Variants in PIK3R5 observed in about 807,000 individuals in gnomAD.
PIK3R5 encodes the protein phosphoinositide-3-kinase regulatory subunit 5.
A neutral mutation model predicts 94.9 loss-of-function variants in PIK3R5; 32 were observed. That is an observed-to-expected ratio of 0.34 (90% CI 0.25 to 0.45). The LOEUF (loss-of-function observed/expected upper bound fraction) is 0.45, where lower values mean the gene tolerates loss of function less well. Among genes scored for constraint, PIK3R5 ranks in the 20% least tolerant of loss-of-function variants. PIK3R5 has a pLI of 1.00. For synonymous variants in PIK3R5, 443 were observed against 479.4 expected (o/e 0.92, Z 0.99); for missense variants, 853 against 1,144.6 (o/e 0.75, Z 3.68).
chr17:8,965,345 C>G lies in PIK3R5; in HGVS notation c.-14+251G>C, dbSNP rs76318688. Among the ~76,000 whole-genome samples the G allele has an allele frequency of 5.3e-3, 800 of 152,342 alleles. 8 individuals carry two copies. The highest frequency in any genetic ancestry group is 0.018 in the African/African-American group (757 of 41,586). ...GCAGAGCCGCCCAGCAGAGGTTACC[C>G]GGATAACGATAAGTGGTCCCCGCGA... On this transcript the variant is annotated intron_variant, in intron 1 of 18. Coordinates refer to ENST00000447110, the MANE Select transcript of PIK3R5 (RefSeq NM_001142633.3).
In PIK3R5 at chr17:8,904,681, C is replaced by A; in HGVS notation, c.412+96G>T. ...GTTGGCAGAGATGAATCAAAGGATGCAAGGTAAGGAGGGTCACAAAAAACA... is the reference window on the plus strand; with the variant it reads ...GTTGGCAGAGATGAATCAAAGGATGAAAGGTAAGGAGGGTCACAAAAAACA... On this transcript the variant is annotated intron_variant, in intron 5 of 18. Coordinates refer to ENST00000447110, the MANE Select transcript of PIK3R5 (RefSeq NM_001142633.3). This position sits in a 1 kb window ranked among gnomAD's most constrained non-coding sequence, Gnocchi z 5.1. 1 of 1,233,704 alleles carries A rather than the reference C, an allele frequency of 8.1e-7. No individual in the cohort carries two copies. The highest frequency in any genetic ancestry group is 2.3e-5 in the East Asian group (1 of 42,624). The allele number at this position is 1,233,704 out of a possible 1,614,324, so 76.4% of individuals were successfully genotyped here.
chr17:8,882,734 C>T lies in PIK3R5; in HGVS notation c.2206-853G>A, dbSNP rs114973320. Among the ~76,000 whole-genome samples, 31 of 152,292 alleles carry T rather than the reference C, an allele frequency of 2.0e-4. No homozygotes were observed. The highest frequency in any genetic ancestry group is 7.0e-4 in the African/African-American group (29 of 41,556). On this transcript the variant is annotated intron_variant, in intron 15 of 18. Coordinates refer to ENST00000447110, the MANE Select transcript of PIK3R5 (RefSeq NM_001142633.3). This position sits in a 1 kb window ranked among gnomAD's most constrained non-coding sequence, Gnocchi z 4.1. ...TGTGGTCCCCCCAGAGAAGATGGTG[C>T]TGCCAGTCACAGAGGAGTGACTCCA...
chr17:8,881,153 G>C lies in PIK3R5; in HGVS notation c.2383-136C>G. ...AGGGGTTTGTCTGACTGCGCTCCAG[G>C]GTTAATGGCCAGGTCACAGGAGGGA... is the stretch of plus-strand genomic sequence containing the variant. On this transcript the variant is annotated intron_variant, in intron 17 of 18. Transcript: ENST00000447110. This position sits in a 1 kb window ranked among gnomAD's most constrained non-coding sequence, Gnocchi z 4.8. 3 of 692,382 alleles carry C rather than the reference G, an allele frequency of 4.3e-6. No individual in the cohort carries two copies. The highest frequency in any genetic ancestry group is 7.8e-6 in the Non-Finnish European group (3 of 385,778). 42.9% of individuals were successfully genotyped at this position (692,382 alleles called of 1,614,324 possible).
rs2089641359 is a variant in PIK3R5 at position 8,880,968 on chromosome 17, T to C, written c.2432A>G (p.Asn811Ser). The change falls in exon 18 of 19, where the codon AAC becomes AGC. Residue 811 changes from asparagine (N) to serine (S), a missense_variant. Coordinates refer to ENST00000447110, the MANE Select transcript of PIK3R5 (RefSeq NM_001142633.3). Reference sequence around the variant, plus strand: ...CAGGCACACAGCAAAGGGGCAGCTGTTGGAGCCGATGATCTGCACCTTGTC... The same window carrying C: ...CAGGCACACAGCAAAGGGGCAGCTGCTGGAGCCGATGATCTGCACCTTGTC... Reference protein sequence around the residue: ...KVDKVQIIGSNSCPFAVCLDQ... With the variant: ...KVDKVQIIGSSSCPFAVCLDQ... 6.2e-7 allele frequency: 1 copy of C among 1,614,142 alleles called. No individual in the cohort carries two copies. Among genetic ancestry groups the C allele is most frequent in the Non-Finnish European group, 8.5e-7 (1 of 1,179,998 alleles).
chr17:8,904,850 C>T lies in PIK3R5; in HGVS notation c.339G>A (p.Leu113=). The change falls in exon 5 of 19, where the codon CTG becomes CTA. Residue 113 remains leucine (L), a synonymous_variant. Transcript: ENST00000447110. This position sits in a 1 kb window ranked among gnomAD's most constrained non-coding sequence, Gnocchi z 5.1. The stretch of plus-strand genomic sequence containing the variant: ...TGCTGCAGTAAGGAACAGGCCAGGT[C>T]AGGAACCGGTGGTAGGTGCTGGCTG... ...LKAASTYHRF[L]TWPVPYCSIC... 1 of 1,614,114 alleles carries T rather than the reference C, an allele frequency of 6.2e-7. No individual in the cohort carries two copies. Among genetic ancestry groups the T allele is most frequent in the Non-Finnish European group, 8.5e-7 (1 of 1,180,030 alleles).
Position 8,887,134 on chromosome 17 carries a change from G to T in PIK3R5, c.1867C>A (p.Leu623Met). The change falls in exon 12 of 19, where the codon CTG (leucine) becomes ATG (methionine). Residue 623 changes from leucine (L) to methionine (M), a missense_variant. Physicochemically the swap from Leu to Met is conservative, Grantham distance 15 (BLOSUM62 2). This residue lies in a region of PIK3R5 where 173 missense variants were observed against 274.1 expected (regional missense o/e 0.63). Coordinates refer to ENST00000447110, the MANE Select transcript of PIK3R5 (RefSeq NM_001142633.3). ...MLDPWYERNV[L>M]GLMHLPPEVL... ...TCAGGGGGCAGGTGCATGAGGCCCAGTACATTGCGCTCATACCAGGGGTCC... is the reference window on the plus strand; with the variant it reads ...TCAGGGGGCAGGTGCATGAGGCCCATTACATTGCGCTCATACCAGGGGTCC... 1 of 1,614,100 alleles carries T rather than the reference G, an allele frequency of 6.2e-7. No homozygotes were observed. Among genetic ancestry groups the T allele is most frequent in the African/African-American group, 1.3e-5 (1 of 75,050 alleles).
intron 1 of PIK3R5, among the ~76,000 whole-genome samples, chr17:8,961,540 CAGG>C (rs2091563989): frequency 6.6e-6 from 1 of 152,160 alleles, no homozygotes; most frequent in Non-Finnish European, 1.5e-5. Flanking sequence ...GAGGCTGAGA[CAGG>C]AGAATTGCTT....
chr17:8,939,017 G>A (rs923334860), intron 1 of PIK3R5, among the ~76,000 whole-genome samples: 5 of 152,140 alleles, frequency 3.3e-5, no homozygotes, highest in African/African-American at 7.2e-5. Context: ...ACATAAGCTG[G>A]TGCCACCGCC....
intron 1 of PIK3R5, among the ~76,000 whole-genome samples, chr17:8,937,898 C>T (rs1288965921): frequency 6.6e-6 from 1 of 152,192 alleles, no homozygotes; most frequent in Non-Finnish European, 1.5e-5. Context: ...CAACCTCCAC[C>T]TCTTGGGTTC....
At position 8,886,230 on chromosome 17, in the gene PIK3R5, T is replaced by A; in HGVS notation, c.2127A>T (p.Ser709=). ...TGTCTCTGCTCAGGCAGTACCCACC[T>A]GACGCCTTGATGGCACGTGTGGCAG... The part of the protein sequence containing the change: ...HSAATRAIKA[S]GPGSKRLGID... Residue 709 remains serine, a splice_region_variant and synonymous_variant, in exon 14 of 19, where the codon TCA becomes TCT. Coordinates refer to ENST00000447110, the MANE Select transcript of PIK3R5 (RefSeq NM_001142633.3). The A allele has an allele frequency of 1.2e-6, 2 of 1,610,816 alleles. No individual in the cohort carries two copies. The highest frequency in any genetic ancestry group is 1.7e-6 in the Non-Finnish European group (2 of 1,178,248).
chr17:8,903,253 CATATA>C lies in PIK3R5; in HGVS notation c.412+1519_412+1523del, dbSNP rs146803749. Among the ~76,000 whole-genome samples, 817 of 152,000 alleles carry C rather than the reference CATATA, an allele frequency of 5.4e-3. 7 individuals are homozygous for C. The highest frequency in any genetic ancestry group is 0.019 in the African/African-American group (780 of 41,512). On this transcript the variant is annotated intron_variant, in intron 5 of 18. Transcript: ENST00000447110. ...CAGTAATTTGAGGATGCCACTTTGT[CATATA>C]ATATAATTTTGTATATTTAATATAT...
intron 1 of PIK3R5, chr17:8,916,548 G>C: frequency 8.0e-6 from 1 of 125,276 alleles, no homozygotes; most frequent in South Asian, 2.7e-4. Context: ...TCCAACAACA[G>C]GGCCTTCCCC....
At chr17:8,951,263 A>G (rs1261623962) in intron 1 of PIK3R5, among the ~76,000 whole-genome samples, 1 of 152,178 alleles carries the variant, frequency 6.6e-6, no homozygotes, top group Non-Finnish European at 1.5e-5. Context: ...GTGTGTGTAC[A>G]GTTTTGTGCG....
Position 8,886,501 on chromosome 17 carries a change from C to T in PIK3R5, c.2010G>A (p.Val670=). ...LYYCRFAARP[V]LLQVYQTELT... ...CCTCGGTCTGATAGACTTGCAGCAG[C>T]ACCGGTCTGGCGGCAAAGCGGCAGT... Residue 670 remains valine, a synonymous_variant, in exon 13 of 19, where the codon GTG becomes GTA. Coordinates refer to ENST00000447110, the MANE Select transcript of PIK3R5 (RefSeq NM_001142633.3). 2.5e-6 allele frequency: 4 copies of T among 1,609,026 alleles called. No homozygotes were observed. The highest frequency in any genetic ancestry group is 3.4e-6 in the Non-Finnish European group (4 of 1,177,408).
intron 1 of PIK3R5, among the ~76,000 whole-genome samples, chr17:8,944,039 T>A (rs2091232726): frequency 6.6e-6 from 1 of 152,192 alleles, no homozygotes; most frequent in Admixed American, 6.5e-5. Context: ...TTCTCCCTCT[T>A]CCCACCCTCT....
chr17:8,885,248 G>C (rs934311085), intron 14 of PIK3R5, among the ~76,000 whole-genome samples: 1 of 149,430 alleles, frequency 6.7e-6, no homozygotes, highest in Non-Finnish European at 1.5e-5. Flanking sequence ...CTGCCTCCCG[G>C]TAACCGTGCC....
chr17:8,929,602 C>A (rs1416542648), intron 1 of PIK3R5, among the ~76,000 whole-genome samples: 1 of 152,182 alleles, frequency 6.6e-6, no homozygotes, highest in African/African-American at 2.4e-5. Flanking sequence ...TAAGTGGGGA[C>A]TGCCACAGTG....
rs929794251 is a variant in PIK3R5 at position 8,925,106 on chromosome 17, GGATA to G, written c.-13-13603_-13-13600del. Among the ~76,000 whole-genome samples the G allele has an allele frequency of 5.2e-3, 778 of 150,002 alleles. 8 individuals are homozygous for G. The highest frequency in any genetic ancestry group is 0.018 in the African/African-American group (725 of 40,436). ...GATAGTGGATAGATAGAAAGTAGAT[GGATA>G]GATAGATAGTAGATGGATAGATAGA... On this transcript the variant is annotated intron_variant, in intron 1 of 18. Coordinates refer to ENST00000447110, the MANE Select transcript of PIK3R5 (RefSeq NM_001142633.3). The surrounding 1 kb of genome is among the most constrained non-coding windows in gnomAD (Gnocchi z 5.1).
At chr17:8,891,219 T>C (rs1466830454) in intron 6 of PIK3R5, among the ~76,000 whole-genome samples, 2 of 152,238 alleles carry the variant, frequency 1.3e-5, no homozygotes, top group African/African-American at 4.8e-5. Flanking sequence ...CGTTTTTTCC[T>C]ATGAGACAGC....
Sources: allele counts gnomAD v4.1 joint callset (sites outside exome capture counted in the v4.1 genomes callset), GRCh38; gene constraint gnomAD v4.1.1; regional missense constraint gnomAD v4.1.1; non-coding constraint Gnocchi (gnomAD v3.1); transcripts MANE v1.5; gene names NCBI Gene and HGNC (gene_info 2026-07-23, HGNC 2026-07-21).